Variants in STXBP4 observed in about 807,000 individuals in gnomAD.
The protein encoded by STXBP4 is syntaxin-binding protein 4.
Under a neutral mutation model 76.1 loss-of-function variants are expected in STXBP4, and 55 were observed. That is an observed-to-expected ratio of 0.72 (90% CI 0.58 to 0.91). The LOEUF is 0.91. Ranked by LOEUF, STXBP4 falls within the 40% of genes least tolerant of loss-of-function variation. The pLI, the probability that STXBP4 is intolerant of heterozygous loss-of-function variation, is 0.00. For missense variants in STXBP4, 618 were observed against 636.9 expected (o/e 0.97, Z 0.32); for synonymous variants, 201 against 220.2 (o/e 0.91, Z 0.77).
intron 3 of STXBP4, among the ~76,000 whole-genome samples, chr17:54,988,743 C>T (rs1381361861): frequency 6.6e-6 from 1 of 152,038 alleles, no homozygotes; most frequent in Non-Finnish European, 1.5e-5. Flanking sequence ...CACTGCACTC[C>T]AGCCAGGACA....
At chr17:55,107,215 G>C (rs1050479792) in intron 16 of STXBP4, among the ~76,000 whole-genome samples, 1 of 151,598 alleles carries the variant, frequency 6.6e-6, no homozygotes, top group Non-Finnish European at 1.5e-5. Context: ...CCTTTCTTCC[G>C]CTTTATCGAT....
In STXBP4 at chr17:55,161,817, T is replaced by C. The variant is rs1045524730; in HGVS notation, c.*1906T>C. 1.3e-5 allele frequency: 2 copies of C among 152,210 alleles called. No individual in the cohort carries two copies. Among genetic ancestry groups the C allele is most frequent in the Non-Finnish European group, 2.9e-5 (2 of 68,036 alleles). The allele number at this position is 152,210 out of a possible 1,614,324, so 9.4% of individuals were successfully genotyped here. On this transcript the variant is annotated 3_prime_UTR_variant, in exon 18 of 18. Coordinates refer to ENST00000376352, the MANE Select transcript of STXBP4 (RefSeq NM_178509.6). ...TAGGAACTGTAATTATCCCCAATTC[T>C]AAAAGAAAAAACTTAGTTTTAGAGA...
At chr17:54,976,872 A>G (rs1276792206) in intron 1 of STXBP4, among the ~76,000 whole-genome samples, 1 of 152,144 alleles carries the variant, frequency 6.6e-6, no homozygotes, top group African/African-American at 2.4e-5. Flanking sequence ...TGGTACCAAA[A>G]AGGTTGGGGA....
At chr17:55,121,040 T>A (rs548505630) in intron 16 of STXBP4, among the ~76,000 whole-genome samples, 12 of 152,266 alleles carry the variant, frequency 7.9e-5, no homozygotes, top group African/African-American at 2.9e-4. Context: ...ATTTCCTTCC[T>A]TCTAACACTA....
intron 12 of STXBP4, among the ~76,000 whole-genome samples, chr17:55,067,298 A>G (rs1201445189): frequency 1.3e-5 from 2 of 152,224 alleles, no homozygotes; most frequent in African/African-American, 4.8e-5. Context: ...ACAGACGACA[A>G]ATCTAAAAGA....
intron 16 of STXBP4, among the ~76,000 whole-genome samples, chr17:55,106,290 T>G (rs1230902605): frequency 6.6e-6 from 1 of 152,096 alleles, no homozygotes; most frequent in Non-Finnish European, 1.5e-5. Context: ...CCTGCTTTTT[T>G]TTTTTTTACT....
intron 1 of STXBP4, among the ~76,000 whole-genome samples, chr17:54,970,020 T>G (rs1055571911): frequency 2.6e-5 from 4 of 152,164 alleles, no homozygotes; most frequent in Non-Finnish European, 4.4e-5. Context: ...AGTTTAGATC[T>G]GAACGATGAT....
rs891210812 is a variant in STXBP4, at chr17:55,060,076, A to C, written c.1012-12824A>C. Reference sequence around the variant, plus strand: ...AAAATAATTAAAAATACATGTATACATCTGTGTATACAAACCCACATGCAT... The same window carrying C: ...AAAATAATTAAAAATACATGTATACCTCTGTGTATACAAACCCACATGCAT... On this transcript the variant is annotated intron_variant, in intron 12 of 17. Transcript: ENST00000376352. Among the ~76,000 whole-genome samples the C allele has an allele frequency of 2.0e-5, 3 of 152,102 alleles. No homozygotes were observed. In the East Asian group the frequency reaches 5.8e-4, roughly 29 times the overall value.
chr17:55,187,675 G>T, the STXBP4 span, among the ~76,000 whole-genome samples: 223 of 152,304 alleles, frequency 1.5e-3, 7 homozygotes, highest in South Asian at 0.045. Flanking sequence ...TTCCCCCCAG[G>T]GAGGCTGCCA....
chr17:54,994,215 C>T (rs1160168945), intron 4 of STXBP4, among the ~76,000 whole-genome samples: 1 of 152,114 alleles, frequency 6.6e-6, no homozygotes, highest in African/African-American at 2.4e-5. Flanking sequence ...TCAGCTAGTC[C>T]CATATCTATC....
In STXBP4 at chr17:55,090,569, A is replaced by G. The variant is rs376300608; in HGVS notation, c.1489+9386A>G. Among the ~76,000 whole-genome samples the G allele has an allele frequency of 1.1e-3, 163 of 152,280 alleles. 4 individuals are homozygous for G. In the South Asian group the frequency reaches 0.031, roughly 29 times the overall value. On this transcript the variant is annotated intron_variant, in intron 16 of 17. Transcript: ENST00000376352. ...GGTCAAAAACCAGTTCTGAGTAGAG[A>G]GCTCTCTAAATTCAAGCTTTTATGA...
At chr17:55,016,031 G>C (rs1015155450) in intron 8 of STXBP4, among the ~76,000 whole-genome samples, 4 of 152,068 alleles carry the variant, frequency 2.6e-5, no homozygotes, top group African/African-American at 4.8e-5. Context: ...GGGTCAAATT[G>C]GTCCCAGTTC....
intron 8 of STXBP4, among the ~76,000 whole-genome samples, chr17:55,017,116 A>G (rs1470153302): frequency 6.6e-6 from 1 of 152,202 alleles, no homozygotes; most frequent in Non-Finnish European, 1.5e-5. Flanking sequence ...TATCAATTAT[A>G]GGTTTTAAAT....
chr17:55,007,739 T>A, intron 8 of STXBP4, 142 bp downstream of exon 8: 1 of 631,486 alleles, frequency 1.6e-6, no homozygotes, highest in Non-Finnish European at 2.7e-6. Context: ...AGTTTGGATT[T>A]AAATTATTTA....
chr17:55,121,310 A>T (rs1477148834), intron 16 of STXBP4, among the ~76,000 whole-genome samples: 2 of 152,182 alleles, frequency 1.3e-5, no homozygotes, highest in African/African-American at 4.8e-5. Flanking sequence ...TTAATGTTTG[A>T]CTCTGAGAAA....
rs369453987 is a variant in STXBP4, at chr17:55,129,174, C to T, written c.1490-12136C>T. On this transcript the variant is annotated intron_variant, in intron 16 of 17. Coordinates refer to ENST00000376352, the MANE Select transcript of STXBP4 (RefSeq NM_178509.6). ...CGATCTCTTCACCTTGTGATCCGCC[C>T]GCCTCGGCCTCCCAAAGGGCTGGGA... Among the ~76,000 whole-genome samples, 7 of 152,054 alleles carry T rather than the reference C, an allele frequency of 4.6e-5. No homozygotes were observed. In the South Asian group the frequency reaches 6.2e-4, roughly 14 times the overall value.
At chr17:55,064,003 T>C (rs903137184) in intron 12 of STXBP4, among the ~76,000 whole-genome samples, 19 of 152,204 alleles carry the variant, frequency 1.2e-4, no homozygotes, top group African/African-American at 4.3e-4. Context: ...AAAACTCTTA[T>C]CTTGACAGTT....
At chr17:55,117,830 C>T (rs1169983998) in intron 16 of STXBP4, among the ~76,000 whole-genome samples, 1 of 151,908 alleles carries the variant, frequency 6.6e-6, no homozygotes, top group Non-Finnish European at 1.5e-5. Flanking sequence ...GTCGTATCAT[C>T]ACTTCTACTC....
chr17:55,152,697 C>G (rs1349061354), intron 17 of STXBP4, among the ~76,000 whole-genome samples: 1 of 152,022 alleles, frequency 6.6e-6, no homozygotes, highest in Non-Finnish European at 1.5e-5. Context: ...AGAAACTGTC[C>G]CCATCATCCA....
Sources: allele counts gnomAD v4.1 joint callset (sites outside exome capture counted in the v4.1 genomes callset), GRCh38; gene constraint gnomAD v4.1.1; transcripts MANE v1.5; gene names NCBI Gene and HGNC (gene_info 2026-07-23, HGNC 2026-07-21).